FLI1: variants seen among roughly 807,000 people sequenced by gnomAD.
The protein encoded by FLI1 is Fli-1 proto-oncogene, ETS transcription factor, also known as Friend leukemia integration 1 transcription factor.
Under a neutral mutation model 53.1 loss-of-function variants are expected in FLI1, and 13 were observed. The observed-to-expected ratio is 0.24, with a 90% CI of 0.16 to 0.39. The LOEUF (loss-of-function observed/expected upper bound fraction) is 0.39. FLI1 is among the 10% of genes least tolerant of loss of function. The probability of loss-of-function intolerance (pLI) is 1.00; values close to 1 mark genes in which losing one functional copy is unlikely to be tolerated. For synonymous variants in FLI1, 244 were observed against 236.7 expected, an observed-to-expected ratio of 1.03 and a Z score of -0.28; for missense variants, 424 against 600.5, an observed-to-expected ratio of 0.71 and a Z score of 3.07.
intron 3 of FLI1, among the ~76,000 whole-genome samples, chr11:128,770,660 T>C (rs1460284710): frequency 2.0e-5 from 3 of 152,092 alleles, no homozygotes; most frequent in East Asian, 1.9e-4. Context: ...ATAAAATAAA[T>C]AAAATATATG....
chr11:128,743,405 TAAAAAA>T (rs373125181), intron 1 of FLI1, among the ~76,000 whole-genome samples: 1 of 91,574 alleles, frequency 1.1e-5, no homozygotes, highest in African/African-American at 3.9e-5. Flanking sequence ...ACCATGTCTC[TAAAAAA>T]AAAAAAAAAA....
At chr11:128,757,863 TAAAC>T (rs1403578103) in intron 1 of FLI1, among the ~76,000 whole-genome samples, 1 of 152,056 alleles carries the variant, frequency 6.6e-6, no homozygotes, top group Non-Finnish European at 1.5e-5. Flanking sequence ...ACAGAACCAA[TAAAC>T]AAACCCACTT....
At chr11:128,723,054 C>A (rs2042233905) in intron 1 of FLI1, among the ~76,000 whole-genome samples, 1 of 152,150 alleles carries the variant, frequency 6.6e-6, no homozygotes, top group Non-Finnish European at 1.5e-5. Context: ...AGAAAGAGGG[C>A]AAGCTAGCTC....
chr11:128,727,395 A>T (rs993875716), intron 1 of FLI1, among the ~76,000 whole-genome samples: 2 of 152,176 alleles, frequency 1.3e-5, no homozygotes, highest in Non-Finnish European at 2.9e-5. Flanking sequence ...ATAGCAAGCC[A>T]CTTTAAGTCC....
At chr11:128,734,537 C>T (rs970432397) in intron 1 of FLI1, among the ~76,000 whole-genome samples, 3 of 152,192 alleles carry the variant, frequency 2.0e-5, no homozygotes, top group Admixed American at 1.3e-4. Flanking sequence ...AACTGCAGAT[C>T]GAATGCCTTC....
At chr11:128,809,324 T>A in intron 8 of FLI1, 120 bp downstream of exon 8, 1 of 820,498 alleles carries the variant, frequency 1.2e-6, no homozygotes, top group Non-Finnish European at 2.1e-6. Flanking sequence ...ACGTCTTTCC[T>A]TGAAATGTTC....
chr11:128,715,498 C>T (rs1340322737), intron 1 of FLI1, among the ~76,000 whole-genome samples: 1 of 152,244 alleles, frequency 6.6e-6, no homozygotes. Context: ...TGCTGTGCAA[C>T]TTCCATGGGA....
rs914603046 is a variant in FLI1 at position 128,782,161 on chromosome 11, T to C, written c.655+138T>C. ...CTAGCATACAAAGACAAGCCAAAAT[T>C]TTCGCCACTTGTGCTACCAGTTGCA... On this transcript the variant is annotated intron_variant, in intron 5 of 8. Transcript: ENST00000527786. The C allele has an allele frequency of 1.1e-5, 8 of 711,062 alleles. No homozygotes were observed. The African/African-American group carries it at 1.2e-4, about 11-fold the overall frequency. The allele number at this position is 711,062 out of a possible 1,614,324, so 44.0% of individuals were successfully genotyped here.
chr11:128,793,217 G>T (rs1026133107), intron 5 of FLI1, among the ~76,000 whole-genome samples: 1 of 151,754 alleles, frequency 6.6e-6, no homozygotes, highest in Non-Finnish European at 1.5e-5. Context: ...AATTTCATGG[G>T]TCTATCAGTT....
chr11:128,807,148 T>C (rs1033714605), intron 6 of FLI1, 32 bp from the exon 7 acceptor site: 2 of 1,542,732 alleles, frequency 1.3e-6, no homozygotes, highest in Non-Finnish European at 1.8e-6. Context: ...AGCTGGGTCC[T>C]ACTCACTGCA....
chr11:128,706,667 T>C (rs925245285), intron 1 of FLI1, among the ~76,000 whole-genome samples: 9 of 152,172 alleles, frequency 5.9e-5, no homozygotes, highest in Admixed American at 5.9e-4. Context: ...AGCAAAGATA[T>C]CAAGGCTCAT....
chr11:128,757,079 TCTTTCTTTC>T (rs1940913231), intron 1 of FLI1, among the ~76,000 whole-genome samples: 1 of 146,592 alleles, frequency 6.8e-6, no homozygotes, highest in South Asian at 2.1e-4. Flanking sequence ...TTTCTTTCTT[TCTTTCTTTC>T]TTTCTTTCTT....
intron 1 of FLI1, among the ~76,000 whole-genome samples, chr11:128,733,915 C>T (rs1482956513): frequency 3.9e-5 from 6 of 152,228 alleles, no homozygotes; most frequent in Non-Finnish European, 7.3e-5. Context: ...CTCCCACATG[C>T]TCCTCCTATC....
intron 4 of FLI1, among the ~76,000 whole-genome samples, chr11:128,775,134 T>C (rs780952603): frequency 6.6e-6 from 1 of 152,078 alleles, no homozygotes; most frequent in Non-Finnish European, 1.5e-5. Flanking sequence ...CTGAAGACAT[T>C]TGAAAATGCA....
chr11:128,713,986 A>G (rs189973992), intron 1 of FLI1, among the ~76,000 whole-genome samples: 1 of 152,306 alleles, frequency 6.6e-6, no homozygotes, highest in Non-Finnish European at 1.5e-5. Context: ...GTAGAGTGTA[A>G]TGAAGAATAC....
chr11:128,714,138 T>G (rs1304140249), intron 1 of FLI1, among the ~76,000 whole-genome samples: 1 of 150,958 alleles, frequency 6.6e-6, no homozygotes, highest in Non-Finnish European at 1.5e-5. Context: ...GGAGGCTGAA[T>G]TCCACCTTTA....
chr11:128,735,161 C>G (rs542964877), intron 1 of FLI1, among the ~76,000 whole-genome samples: 4 of 152,228 alleles, frequency 2.6e-5, no homozygotes, highest in African/African-American at 9.6e-5. Context: ...TGGGAAGGCT[C>G]CTATTAAGAT....
At chr11:128,723,457 A>G (rs1344106884) in intron 1 of FLI1, among the ~76,000 whole-genome samples, 1 of 152,164 alleles carries the variant, frequency 6.6e-6, no homozygotes, top group African/African-American at 2.4e-5. Flanking sequence ...CAGGAACACT[A>G]TGGGTAATCT....
At chr11:128,731,774 G>A (rs756087777) in intron 1 of FLI1, among the ~76,000 whole-genome samples, 4 of 151,966 alleles carry the variant, frequency 2.6e-5, no homozygotes, top group East Asian at 3.9e-4. Context: ...AGGCGGAGGC[G>A]GGCAAATCAC....
Sources: allele counts gnomAD v4.1 joint callset (sites outside exome capture counted in the v4.1 genomes callset), GRCh38; gene constraint gnomAD v4.1.1; transcripts MANE v1.5; gene names NCBI Gene and HGNC (gene_info 2026-07-23, HGNC 2026-07-21).